Variants in AHI1 observed in about 807,000 individuals in gnomAD.
AHI1 encodes jouberin.
A neutral mutation model predicts 149.3 loss-of-function variants in AHI1; 123 were observed. The ratio of observed to expected loss-of-function variants is 0.82; its 90% CI spans 0.71 to 0.96. The LOEUF (loss-of-function observed/expected upper bound fraction) is 0.96. AHI1 is among the 40% of genes least tolerant of loss of function. AHI1 has a pLI of 0.00. For missense variants in AHI1, 1,439 were observed against 1,422.7 expected (o/e 1.01, Z -0.18); for synonymous variants, 475 against 459.8 (o/e 1.03, Z -0.42).
rs559088079 is a variant in AHI1, at chr6:135,337,165, A to G, written c.3166-13841T>C. The stretch of plus-strand genomic sequence containing the variant: ...CTTTCCTTAAAATTATGCCAAAAAA[A>G]AAGGGTCTTAAAGACTTGGCATTTC... On this transcript the variant is annotated intron_variant, in intron 24 of 28. Transcript: ENST00000265602. Among the ~76,000 whole-genome samples the G allele has an allele frequency of 6.3e-4, 96 of 152,300 alleles. No individual in the cohort carries two copies. The East Asian group carries it at 0.017, about 27-fold the overall frequency.
intron 3 of AHI1, chr6:135,495,221 T>A (rs1196218498): frequency 1.3e-5 from 2 of 152,200 alleles, no homozygotes; most frequent in Non-Finnish European, 2.9e-5. Flanking sequence ...CTAGTGTAAT[T>A]TTCTAAAATT....
intron 20 of AHI1, among the ~76,000 whole-genome samples, chr6:135,413,536 A>G (rs1781910111): frequency 6.6e-6 from 1 of 152,080 alleles, no homozygotes; most frequent in African/African-American, 2.4e-5. Context: ...AAGTGGAGTA[A>G]GGCAAGTGAG....
At chr6:135,463,350 A>C (rs756624706) in intron 7 of AHI1, 44 bp from the exon 8 acceptor site, 21 of 1,419,716 alleles carry the variant, frequency 1.5e-5, no homozygotes, top group Non-Finnish European at 2.0e-5. Flanking sequence ...ATATATTATC[A>C]TTATAATTAT....
intron 28 of AHI1, among the ~76,000 whole-genome samples, chr6:135,289,172 A>G: frequency 6.6e-6 from 1 of 150,430 alleles, no homozygotes; most frequent in East Asian, 1.9e-4. Context: ...TTGTTGAAAA[A>G]GCTCCTCTTA....
intron 20 of AHI1, among the ~76,000 whole-genome samples, chr6:135,424,184 T>C (rs943920572): frequency 2.6e-5 from 4 of 152,038 alleles, no homozygotes; most frequent in South Asian, 2.1e-4. Flanking sequence ...AATAAGAGCA[T>C]GGACTCCAGG....
Position 135,436,341 on chromosome 6 carries a change from G to T in AHI1, c.2036+2034C>A, listed in dbSNP as rs1475876019. 2.0e-5 allele frequency among the ~76,000 whole-genome samples: 3 copies of T among 152,120 alleles called. No homozygotes were observed. The East Asian group carries it at 5.8e-4, about 29-fold the overall frequency. ...TATGAATTCAAAATATTTCAAGACTGGTCAATAATCAATTACTACAGTGAA... is the reference window on the plus strand; with the variant it reads ...TATGAATTCAAAATATTTCAAGACTTGTCAATAATCAATTACTACAGTGAA... On this transcript the variant is annotated intron_variant, in intron 15 of 28. Coordinates refer to ENST00000265602, the MANE Select transcript of AHI1 (RefSeq NM_001134831.2).
intron 20 of AHI1, among the ~76,000 whole-genome samples, chr6:135,422,076 C>G (rs113701134): frequency 0.025 from 3,808 of 152,116 alleles, 176 homozygotes; most frequent in African/African-American, 0.086. Context: ...GTATGTACAT[C>G]GTATTGCAAA....
intron 24 of AHI1, among the ~76,000 whole-genome samples, chr6:135,340,654 C>CATATATATATATATATAT (rs1290327693): frequency 3.4e-5 from 2 of 58,562 alleles, no homozygotes; most frequent in Admixed American, 2.5e-4. Flanking sequence ...TATATACATA[C>CATATATATATATATATAT]ATACATATAT....
At chr6:135,382,178 T>A (rs1394875089) in intron 23 of AHI1, among the ~76,000 whole-genome samples, 2 of 152,172 alleles carry the variant, frequency 1.3e-5, no homozygotes, top group East Asian at 3.8e-4. Flanking sequence ...AAAAATCTCT[T>A]ACATTGTTTA....
At chr6:135,382,643 CTTAA>C (rs1176055825) in intron 23 of AHI1, among the ~76,000 whole-genome samples, 2 of 151,866 alleles carry the variant, frequency 1.3e-5, no homozygotes, top group East Asian at 3.9e-4. Flanking sequence ...TAAATGAGAG[CTTAA>C]TTAGATAGCC....
In AHI1 at chr6:135,335,007, A is replaced by G. The variant is rs544644398; in HGVS notation, c.3166-11683T>C. Among the ~76,000 whole-genome samples the G allele has an allele frequency of 1.8e-4, 28 of 152,352 alleles. No homozygotes were observed. The South Asian group carries it at 2.7e-3, about 15-fold the overall frequency. Reference sequence around the variant, plus strand: ...ATACTTTATTTTACTGGTCTACTTTATAAGACATATATACTTATTTCTGCA... The same window carrying G: ...ATACTTTATTTTACTGGTCTACTTTGTAAGACATATATACTTATTTCTGCA... On this transcript the variant is annotated intron_variant, in intron 24 of 28. Coordinates refer to ENST00000265602, the MANE Select transcript of AHI1 (RefSeq NM_001134831.2).
At chr6:135,405,059 T>A (rs1285629322) in intron 21 of AHI1, 82 bp from the exon 22 acceptor site, 1 of 1,173,502 alleles carries the variant, frequency 8.5e-7, no homozygotes, top group Non-Finnish European at 1.2e-6. Context: ...GATGTTTATC[T>A]TCTAATAACC....
At position 135,442,717 on chromosome 6, in the gene AHI1, A is replaced by G. The variant is rs1786509189; in HGVS notation, c.1780-3T>C. Reference sequence around the variant, plus strand: ...TGTTTGTTTGGGATACGGCAAGCCTAAAAAACATACGTTTAAAAAATATAA... The same window carrying G: ...TGTTTGTTTGGGATACGGCAAGCCTGAAAAACATACGTTTAAAAAATATAA... On this transcript the variant is annotated splice_polypyrimidine_tract_variant and splice_region_variant and intron_variant, in intron 13 of 28. Coordinates refer to ENST00000265602, the MANE Select transcript of AHI1 (RefSeq NM_001134831.2). 3.1e-6 allele frequency: 5 copies of G among 1,595,962 alleles called. No individual in the cohort carries two copies. Among genetic ancestry groups the G allele is most frequent in the Non-Finnish European group, 4.3e-6 (5 of 1,172,872 alleles).
chr6:135,479,683 A>G (rs1356788684), intron 5 of AHI1, among the ~76,000 whole-genome samples: 2 of 152,110 alleles, frequency 1.3e-5, no homozygotes, highest in Non-Finnish European at 2.9e-5. Context: ...ATAAGTTAAG[A>G]CTTGGGGAAC....
chr6:135,364,909 G>T (rs2128447907), intron 23 of AHI1, among the ~76,000 whole-genome samples: 1 of 150,042 alleles, frequency 6.7e-6, no homozygotes, highest in Non-Finnish European at 1.5e-5. Flanking sequence ...AGACCGTGGG[G>T]AGAGGAAGAG....
intron 24 of AHI1, among the ~76,000 whole-genome samples, chr6:135,332,000 T>C (rs1307447389): frequency 6.6e-6 from 1 of 152,170 alleles, no homozygotes; most frequent in African/African-American, 2.4e-5. Context: ...CTGGATTTTC[T>C]TCTATTTCTT....
At chr6:135,292,603 C>T (rs1451019980) in intron 27 of AHI1, among the ~76,000 whole-genome samples, 1 of 152,162 alleles carries the variant, frequency 6.6e-6, no homozygotes, top group Non-Finnish European at 1.5e-5. Context: ...GTGCACACAT[C>T]TGGGAAAATC....
At position 135,466,081 on chromosome 6, in the gene AHI1, G is replaced by T. The variant is rs1562240075; in HGVS notation, c.482C>A (p.Pro161Gln). The T allele has an allele frequency of 6.2e-7, 1 of 1,613,904 alleles. No individual in the cohort carries two copies. Among genetic ancestry groups the T allele is most frequent in the East Asian group, 2.2e-5 (1 of 44,884 alleles). ...TTTCTGATGATCAACGCCTGGCTGT[G>T]GCTTTGTATGTGTTTTCTGGTGTGT... is the stretch of plus-strand genomic sequence containing the variant. ...DSTHQKTHTKPQPGVDHQKSE... is the reference protein window; with the variant it reads ...DSTHQKTHTKQQPGVDHQKSE... Residue 161 changes from proline to glutamine, a missense_variant, in exon 7 of 29, where the codon CCA becomes CAA. Pro to Gln is a moderately conservative substitution (Grantham distance 76). Coordinates refer to ENST00000265602, the MANE Select transcript of AHI1 (RefSeq NM_001134831.2).
intron 24 of AHI1, among the ~76,000 whole-genome samples, chr6:135,329,499 C>A (rs1257116011): frequency 3.3e-5 from 5 of 152,044 alleles, no homozygotes; most frequent in Non-Finnish European, 1.5e-5. Flanking sequence ...ATATTTTAAG[C>A]CCTACTGCTT....
Sources: gnomAD v4.1 joint callset for allele counts (sites outside exome capture counted in the v4.1 genomes callset) on GRCh38, gnomAD v4.1.1 for gene constraint, MANE v1.5 for transcripts, NCBI Gene and HGNC (gene_info 2026-07-23, HGNC 2026-07-21) for gene names.